MGAT4C: variants seen among roughly 807,000 people sequenced by gnomAD.
The protein encoded by MGAT4C is MGAT4 family member C.
In MGAT4C, 19 loss-of-function variants were observed where a neutral mutation model predicts 40.1. The ratio of observed to expected loss-of-function variants is 0.47; its 90% CI spans 0.33 to 0.70. The LOEUF (loss-of-function observed/expected upper bound fraction) is 0.70. Among genes scored for constraint, MGAT4C ranks in the 30% least tolerant of loss-of-function variants. MGAT4C has a pLI of 0.02. For synonymous variants in MGAT4C, 181 were observed against 187.1 expected (o/e 0.97, Z 0.27); for missense variants, 491 against 563.2 (o/e 0.87, Z 1.30).
intron 2 of MGAT4C, among the ~76,000 whole-genome samples, chr12:86,459,506 T>G (rs1166411635): frequency 6.6e-6 from 1 of 151,808 alleles, no homozygotes; most frequent in East Asian, 1.9e-4. Context: ...TACTCACCAA[T>G]AGCTAGCAAG....
At chr12:86,774,323 C>CTTTCTTTCT (rs1951704322) in intron 1 of MGAT4C, among the ~76,000 whole-genome samples, 2 of 97,046 alleles carry the variant, frequency 2.1e-5, no homozygotes, top group South Asian at 4.5e-4. Context: ...TTCTTTCTTT[C>CTTTCTTTCT]TTTCTTTCTT....
At chr12:86,779,097 T>A (rs942554488) in intron 1 of MGAT4C, among the ~76,000 whole-genome samples, 3 of 151,938 alleles carry the variant, frequency 2.0e-5, no homozygotes, top group African/African-American at 7.2e-5. Context: ...GGTAAGCAGC[T>A]TAGCTGTCAG....
chr12:86,265,909 T>C (rs2136101641), intron 4 of MGAT4C, among the ~76,000 whole-genome samples: 1 of 152,346 alleles, frequency 6.6e-6, no homozygotes, highest in African/African-American at 2.4e-5. Context: ...CTATTGTAAA[T>C]GAGATTACCT....
At chr12:86,022,943 G>A (rs1216269492) in intron 2 of MGAT4C, among the ~76,000 whole-genome samples, 2 of 152,102 alleles carry the variant, frequency 1.3e-5, no homozygotes, top group Admixed American at 1.3e-4. Flanking sequence ...ATAAGAGTAG[G>A]AAAGACCCGA....
At chr12:86,570,573 C>T (rs1960320357) in intron 2 of MGAT4C, among the ~76,000 whole-genome samples, 1 of 151,924 alleles carries the variant, frequency 6.6e-6, no homozygotes, top group African/African-American at 2.4e-5. Flanking sequence ...TAATGAATAA[C>T]TTTAATCAAG....
At chr12:86,114,983 C>A (rs116152218) in intron 1 of MGAT4C, among the ~76,000 whole-genome samples, 1 of 151,852 alleles carries the variant, frequency 6.6e-6, no homozygotes, top group Non-Finnish European at 1.5e-5. Context: ...TAACAGAATT[C>A]ATCTGTTTTA....
intron 1 of MGAT4C, among the ~76,000 whole-genome samples, chr12:86,247,151 TCTTA>T (rs1462624671): frequency 2.0e-5 from 3 of 152,224 alleles, no homozygotes; most frequent in Admixed American, 1.3e-4. Flanking sequence ...CAATCTGTTC[TCTTA>T]CTTAAATACT....
chr12:86,145,924 G>C lies in MGAT4C; in HGVS notation c.-56-96201C>G, dbSNP rs143416614. On this transcript the variant is annotated intron_variant, in intron 1 of 4. Transcript: ENST00000611864. ...TCTGCATAACAGGTTTTTACTACTAGATGCGACATGAAAAGTATTTATACA... is the reference window on the plus strand; with the variant it reads ...TCTGCATAACAGGTTTTTACTACTACATGCGACATGAAAAGTATTTATACA... 5.2e-3 allele frequency among the ~76,000 whole-genome samples: 789 copies of C among 152,080 alleles called. 4 individuals carry two copies. Among genetic ancestry groups the C allele is most frequent in the Middle Eastern group, 0.01 (3 of 294 alleles).
intron 1 of MGAT4C, among the ~76,000 whole-genome samples, chr12:86,767,520 G>A (rs1951536007): frequency 6.6e-6 from 1 of 152,088 alleles, no homozygotes; most frequent in Admixed American, 6.6e-5. Flanking sequence ...ATTTTATGAG[G>A]CCAGCATCAT....
At chr12:86,007,028 T>C (rs1456364852) in intron 2 of MGAT4C, among the ~76,000 whole-genome samples, 5 of 152,174 alleles carry the variant, frequency 3.3e-5, no homozygotes, top group Admixed American at 3.3e-4. Flanking sequence ...ATTCATCTAA[T>C]AATTGTGAAT....
intron 1 of MGAT4C, among the ~76,000 whole-genome samples, chr12:86,189,505 T>A (rs1889133397): frequency 1.3e-5 from 2 of 151,928 alleles, no homozygotes; most frequent in African/African-American, 4.8e-5. Context: ...TGAATGACAC[T>A]GAAGAACATT....
At chr12:86,777,106 G>C (rs1159311617) in intron 1 of MGAT4C, among the ~76,000 whole-genome samples, 1 of 151,976 alleles carries the variant, frequency 6.6e-6, no homozygotes, top group Non-Finnish European at 1.5e-5. Flanking sequence ...AATCACAACA[G>C]TGTGTTATAT....
intron 1 of MGAT4C, among the ~76,000 whole-genome samples, chr12:86,223,434 C>T (rs1012919971): frequency 6.6e-6 from 1 of 152,170 alleles, no homozygotes; most frequent in African/African-American, 2.4e-5. Flanking sequence ...ACTTCAAGAG[C>T]AAATTCTACC....
chr12:86,139,862 T>G (rs925745243), intron 1 of MGAT4C, among the ~76,000 whole-genome samples: 1 of 152,216 alleles, frequency 6.6e-6, no homozygotes, highest in Non-Finnish European at 1.5e-5. Flanking sequence ...GCTCTGCATT[T>G]GCATTAAGAG....
chr12:86,024,901 C>G lies in MGAT4C; in HGVS notation c.-7+24773G>C, dbSNP rs907624774. Among the ~76,000 whole-genome samples, 2 of 151,318 alleles carry G rather than the reference C, an allele frequency of 1.3e-5. 1 individual carries two copies. The highest frequency in any genetic ancestry group is 4.8e-5 in the African/African-American group (2 of 41,320). On this transcript the variant is annotated intron_variant, in intron 2 of 4. Coordinates refer to ENST00000611864, the MANE Select transcript of MGAT4C (RefSeq NM_001351288.2). ...TCACATTTTAAAAATTTCTAATACC[C>G]GAACTAGTTTTTTTTTTCTATTTTC... is the stretch of plus-strand genomic sequence containing the variant.
intron 2 of MGAT4C, among the ~76,000 whole-genome samples, chr12:86,704,962 A>T (rs184127535): frequency 2.0e-5 from 3 of 152,254 alleles, no homozygotes; most frequent in Admixed American, 2.0e-4. Flanking sequence ...TTTTCAAATT[A>T]TAAAGAATTC....
intron 2 of MGAT4C, among the ~76,000 whole-genome samples, chr12:86,633,608 A>T (rs1593065146): frequency 6.6e-6 from 1 of 152,144 alleles, no homozygotes; most frequent in East Asian, 1.9e-4. Context: ...ATTATGGCAA[A>T]ATCCCTAACA....
At chr12:86,422,946 C>G (rs1592827481) in intron 3 of MGAT4C, among the ~76,000 whole-genome samples, 1 of 152,128 alleles carries the variant, frequency 6.6e-6, no homozygotes, top group Admixed American at 6.6e-5. Flanking sequence ...TGAGAGCCAT[C>G]ACCTATTCAT....
chr12:86,400,167 A>G (rs1227857897), intron 3 of MGAT4C, among the ~76,000 whole-genome samples: 1 of 152,102 alleles, frequency 6.6e-6, no homozygotes, highest in African/African-American at 2.4e-5. Context: ...AAACTCCCCA[A>G]CCCTTTTGGT....
Sources: gnomAD v4.1 joint callset for allele counts (sites outside exome capture counted in the v4.1 genomes callset) on GRCh38, gnomAD v4.1.1 for gene constraint, MANE v1.5 for transcripts, NCBI Gene and HGNC (gene_info 2026-07-23, HGNC 2026-07-21) for gene names.